Variants in XXYLT1 observed in about 807,000 individuals in gnomAD.
XXYLT1 encodes the protein xyloside xylosyltransferase 1.
Under a neutral mutation model 28.9 loss-of-function variants are expected in XXYLT1, and 20 were observed. The observed-to-expected ratio is 0.69, with a 90% CI of 0.49 to 1.00. XXYLT1 has a LOEUF of 1.00. Ranked by LOEUF, XXYLT1 falls within the 50% of genes least tolerant of loss-of-function variation. The probability of loss-of-function intolerance (pLI) is 0.00; values close to 1 mark genes in which losing one functional copy is unlikely to be tolerated. For synonymous variants in XXYLT1, 257 were observed against 253.8 expected, an observed-to-expected ratio of 1.01 and a Z score of -0.12; for missense variants, 542 against 560.1, an observed-to-expected ratio of 0.97 and a Z score of 0.33.
At chr3:195,175,880 C>A in intron 2 of XXYLT1, 5 of 1,400,356 alleles carry the variant, frequency 3.6e-6, no homozygotes, top group East Asian at 5.3e-5. Context: ...TCCAGTGTGA[C>A]ATTTGTGTGG....
intron 1 of XXYLT1, among the ~76,000 whole-genome samples, chr3:195,247,151 C>T (rs184728844): frequency 2.0e-5 from 3 of 152,202 alleles, no homozygotes; most frequent in Admixed American, 2.0e-4. Flanking sequence ...ATGTGTTCCA[C>T]CCCAAAAAGG....
chr3:195,190,432 T>C (rs935377649), intron 2 of XXYLT1, among the ~76,000 whole-genome samples: 1 of 147,784 alleles, frequency 6.8e-6, no homozygotes, highest in Admixed American at 6.8e-5. Flanking sequence ...GAGGCACAGG[T>C]TGCAGTGAGC....
intron 3 of XXYLT1, among the ~76,000 whole-genome samples, chr3:195,085,244 C>T (rs1715655264): frequency 6.6e-6 from 1 of 152,250 alleles, no homozygotes; most frequent in South Asian, 2.1e-4. Context: ...GAGAGAATAT[C>T]TGGATTTGCC....
chr3:195,258,736 A>C (rs1725570023), intron 1 of XXYLT1, among the ~76,000 whole-genome samples: 1 of 152,250 alleles, frequency 6.6e-6, no homozygotes, highest in Admixed American at 6.5e-5. Flanking sequence ...ATGCCCCTGA[A>C]CATCAAATAA....
At chr3:195,122,245 G>C (rs1054076578) in intron 3 of XXYLT1, 4 of 692,586 alleles carry the variant, frequency 5.8e-6, no homozygotes, top group Non-Finnish European at 1.1e-5. Context: ...TCACACTGGG[G>C]GTTAGGATTT....
In XXYLT1 at chr3:195,129,933, G is replaced by A. The variant is rs547154572; in HGVS notation, c.785+26516C>T. Among the ~76,000 whole-genome samples the A allele has an allele frequency of 1.2e-4, 18 of 152,284 alleles. No individual in the cohort carries two copies. The highest frequency in any genetic ancestry group is 1.9e-4 in the Non-Finnish European group (13 of 68,028). On this transcript the variant is annotated intron_variant, in intron 3 of 3. Coordinates refer to ENST00000310380, the MANE Select transcript of XXYLT1 (RefSeq NM_152531.5). This position sits in a 1 kb window ranked among gnomAD's most constrained non-coding sequence, Gnocchi z 4.4. ...ACCACTTCATATTCCCACCACCAGT[G>A]AGTGCGGGTTCCCATGCCTCCAACT...
chr3:195,101,069 G>A (rs182168108), intron 3 of XXYLT1, among the ~76,000 whole-genome samples: 241 of 152,378 alleles, frequency 1.6e-3, no homozygotes, highest in African/African-American at 2.5e-3. Context: ...GGCTTCTGGC[G>A]CAATCCCAGC....
At chr3:195,193,809 G>A (rs946090876) in intron 2 of XXYLT1, among the ~76,000 whole-genome samples, 4 of 152,010 alleles carry the variant, frequency 2.6e-5, no homozygotes, top group Non-Finnish European at 4.4e-5. Flanking sequence ...AATTCAACGG[G>A]TAAAGGACAG....
intron 2 of XXYLT1, among the ~76,000 whole-genome samples, chr3:195,224,228 TG>T (rs1215055353): frequency 6.6e-6 from 1 of 152,214 alleles, no homozygotes; most frequent in East Asian, 1.9e-4. Context: ...ACTGTGTGTT[TG>T]GGTCGGCTGG....
chr3:195,166,573 C>T (rs1721131652), intron 2 of XXYLT1, among the ~76,000 whole-genome samples: 1 of 152,210 alleles, frequency 6.6e-6, no homozygotes, highest in Admixed American at 6.5e-5. Flanking sequence ...CAGTTCCTGG[C>T]CCCGGATTGC....
At chr3:195,183,456 C>T (rs1274526060) in intron 2 of XXYLT1, 1 of 152,148 alleles carries the variant, frequency 6.6e-6, no homozygotes, top group Non-Finnish European at 1.5e-5. Context: ...GAGTCGAAAC[C>T]TCTTTCATTT....
intron 1 of XXYLT1, among the ~76,000 whole-genome samples, chr3:195,233,386 T>C (rs1326785263): frequency 1.3e-5 from 2 of 152,202 alleles, no homozygotes; most frequent in African/African-American, 4.8e-5. Flanking sequence ...ATTGATTAAG[T>C]AAGGACTTAC....
intron 3 of XXYLT1, among the ~76,000 whole-genome samples, chr3:195,104,916 T>C (rs1312186623): frequency 6.6e-6 from 1 of 152,200 alleles, no homozygotes; most frequent in Non-Finnish European, 1.5e-5. Flanking sequence ...GATTCGCAAG[T>C]CTAGCTACAA....
intron 3 of XXYLT1, among the ~76,000 whole-genome samples, chr3:195,113,764 GTGTGGCCAGGAGAAAGGGT>G (rs879488187): frequency 1.7e-3 from 259 of 152,270 alleles, no homozygotes; most frequent in Non-Finnish European, 2.9e-3. Context: ...GCGGAAAGGG[GTGTGGCCAGGAGAAAGGGT>G]TGTGGCCAGG....
chr3:195,199,691 C>G (rs1296662522), intron 2 of XXYLT1, among the ~76,000 whole-genome samples: 2 of 152,168 alleles, frequency 1.3e-5, no homozygotes. Context: ...CATCTATCTG[C>G]TCCCATCAGG....
At chr3:195,192,573 T>C (rs1722470242) in intron 2 of XXYLT1, among the ~76,000 whole-genome samples, 2 of 152,154 alleles carry the variant, frequency 1.3e-5, no homozygotes, top group South Asian at 4.1e-4. Flanking sequence ...AAGAATTACA[T>C]AGAATAGCTA....
intron 3 of XXYLT1, among the ~76,000 whole-genome samples, chr3:195,088,324 G>C (rs868301911): frequency 1.3e-5 from 2 of 148,642 alleles, no homozygotes; most frequent in Admixed American, 6.8e-5. Context: ...CTCCCAGCAC[G>C]CAGCTGGAGA....
At chr3:195,149,912 G>A (rs894383477) in intron 3 of XXYLT1, among the ~76,000 whole-genome samples, 2 of 152,194 alleles carry the variant, frequency 1.3e-5, no homozygotes, top group Non-Finnish European at 2.9e-5. Flanking sequence ...GAAGCCGGGA[G>A]ATAACATATC....
At chr3:195,134,901 C>G (rs976217843) in intron 3 of XXYLT1, among the ~76,000 whole-genome samples, 1 of 151,268 alleles carries the variant, frequency 6.6e-6, no homozygotes, top group African/African-American at 2.4e-5. Context: ...GTGCAAAGAG[C>G]TATCAGCTAT....
Sources: gnomAD v4.1 joint callset for allele counts (sites outside exome capture counted in the v4.1 genomes callset) on GRCh38, gnomAD v4.1.1 for gene constraint, Gnocchi (gnomAD v3.1) non-coding constraint, MANE v1.5 for transcripts, NCBI Gene and HGNC (gene_info 2026-07-23, HGNC 2026-07-21) for gene names.